The following SCML4 variants were observed in gnomAD, a reference collection of about 807,000 sequenced individuals.
SCML4 encodes the protein sex comb on midleg-like protein 4.
In SCML4, 34 loss-of-function variants were observed where a neutral mutation model predicts 41.1. The ratio of observed to expected loss-of-function variants is 0.83; its 90% confidence interval spans 0.63 to 1.10. SCML4 has a LOEUF of 1.10. Ranked by LOEUF, SCML4 falls within the 50% of genes least tolerant of loss-of-function variation. The probability of loss-of-function intolerance (pLI) is 0.00; values close to 1 mark genes in which losing one functional copy is unlikely to be tolerated. For missense variants in SCML4, 522 were observed against 534.1 expected (o/e 0.98, Z 0.22); for synonymous variants, 214 against 220.9 (o/e 0.97, Z 0.28).
At chr6:107,845,809 A>C in the SCML4 span, among the ~76,000 whole-genome samples, 1 of 152,226 alleles carries the variant, frequency 6.6e-6, no homozygotes, top group Non-Finnish European at 1.5e-5. Context: ...TACACGTGGT[A>C]TTACATTTTT....
intron 6 of SCML4, chr6:107,719,352 T>G (rs1471074762): frequency 6.6e-6 from 1 of 152,334 alleles, no homozygotes; most frequent in East Asian, 1.9e-4. Flanking sequence ...CTGGGTTGGA[T>G]GAGGCTCTTG....
intron 1 of SCML4, among the ~76,000 whole-genome samples, chr6:107,821,662 A>G (rs906154423): frequency 7.9e-5 from 12 of 152,128 alleles, no homozygotes; most frequent in Admixed American, 3.3e-4. Flanking sequence ...TCCCAGCCCA[A>G]TGAGGGGTAG....
intron 1 of SCML4, among the ~76,000 whole-genome samples, chr6:107,793,160 T>A (rs1444951823): frequency 6.6e-6 from 1 of 152,110 alleles, no homozygotes; most frequent in African/African-American, 2.4e-5. Context: ...ATGATCCCCA[T>A]CTCCTGTGTA....
At chr6:107,766,674 G>C (rs1780073375) in intron 2 of SCML4, among the ~76,000 whole-genome samples, 1 of 152,228 alleles carries the variant, frequency 6.6e-6, no homozygotes, top group African/African-American at 2.4e-5. Context: ...CACTGCCTCA[G>C]ATCCACCTCT....
intron 5 of SCML4, among the ~76,000 whole-genome samples, chr6:107,742,624 A>G (rs950319507): frequency 3.3e-5 from 5 of 152,240 alleles, no homozygotes; most frequent in African/African-American, 9.6e-5. Flanking sequence ...CATATAGGCC[A>G]GGAGGGAATG....
the SCML4 span, among the ~76,000 whole-genome samples, chr6:107,844,610 G>T: frequency 2.0e-5 from 3 of 151,898 alleles, no homozygotes; most frequent in Non-Finnish European, 4.4e-5. Context: ...GAGGCAGGAG[G>T]ATCACTTGAG....
At chr6:107,809,405 A>G (rs894029353) in intron 1 of SCML4, among the ~76,000 whole-genome samples, 1 of 152,260 alleles carries the variant, frequency 6.6e-6, no homozygotes, top group African/African-American at 2.4e-5. Flanking sequence ...AGCGGGTTAA[A>G]GGGAGGAGAA....
chr6:107,787,027 C>G (rs1239012098), intron 1 of SCML4, among the ~76,000 whole-genome samples: 1 of 152,180 alleles, frequency 6.6e-6, no homozygotes, highest in African/African-American at 2.4e-5. Flanking sequence ...TAGATTCCAC[C>G]CCAGAGCTCT....
intron 1 of SCML4, among the ~76,000 whole-genome samples, chr6:107,813,406 AT>A (rs1784337039): frequency 8.8e-5 from 3 of 34,204 alleles, no homozygotes; most frequent in African/African-American, 2.8e-4. Context: ...ATATATATAT[AT>A]ATATATATAT....
At chr6:107,823,277 G>A (rs1268030887) in intron 1 of SCML4, among the ~76,000 whole-genome samples, 1 of 152,146 alleles carries the variant, frequency 6.6e-6, no homozygotes. Context: ...CACAGATAGT[G>A]GAAAGAACTT....
chr6:107,709,741 A>G (rs1774053426), intron 6 of SCML4, among the ~76,000 whole-genome samples: 1 of 151,714 alleles, frequency 6.6e-6, no homozygotes. Flanking sequence ...ACAGAGTTTC[A>G]CTCTTGTTGC....
chr6:107,728,023 G>A (rs915351400), intron 5 of SCML4, among the ~76,000 whole-genome samples: 1 of 152,110 alleles, frequency 6.6e-6, no homozygotes, highest in African/African-American at 2.4e-5. Flanking sequence ...TAAGGCTGCC[G>A]TTACACAGAA....
intron 1 of SCML4, among the ~76,000 whole-genome samples, chr6:107,798,692 C>T (rs1363749825): frequency 6.6e-6 from 1 of 151,988 alleles, no homozygotes; most frequent in Non-Finnish European, 1.5e-5. Context: ...TAAATAATTG[C>T]TTGTAGACCT....
At chr6:107,769,843 G>C (rs1780372022) in intron 2 of SCML4, among the ~76,000 whole-genome samples, 1 of 152,124 alleles carries the variant, frequency 6.6e-6, no homozygotes, top group Non-Finnish European at 1.5e-5. Flanking sequence ...CTACTAACCA[G>C]CTATAATTGA....
intron 7 of SCML4, among the ~76,000 whole-genome samples, chr6:107,705,667 C>T (rs4946851): frequency 0.87 from 133,018 of 152,142 alleles, 58,291 homozygotes; most frequent in South Asian, 0.92. Context: ...GGGCAAAAAC[C>T]GTCATCCATT....
At chr6:107,767,449 T>C (rs1364912613) in intron 2 of SCML4, among the ~76,000 whole-genome samples, 1 of 152,246 alleles carries the variant, frequency 6.6e-6, no homozygotes, top group Admixed American at 6.5e-5. Context: ...TTAAGTTCTC[T>C]TGCTTGAGAT....
intron 1 of SCML4, among the ~76,000 whole-genome samples, chr6:107,785,361 A>G (rs118114217): frequency 0.036 from 5,490 of 152,276 alleles, 161 homozygotes; most frequent in South Asian, 0.056. Flanking sequence ...GTTGCGCCCC[A>G]CTGCTGAGGA....
chr6:107,794,121 G>T (rs905326046), intron 1 of SCML4, among the ~76,000 whole-genome samples: 4 of 152,126 alleles, frequency 2.6e-5, no homozygotes, highest in African/African-American at 9.7e-5. Flanking sequence ...TGGACCCAAG[G>T]GGCAGAGGTA....
chr6:107,736,308 GC>G (rs1228283553), intron 5 of SCML4, among the ~76,000 whole-genome samples: 3 of 152,212 alleles, frequency 2.0e-5, no homozygotes, highest in African/African-American at 7.2e-5. Context: ...TGTACCACAA[GC>G]CCCTTGTGGA....
Sources: gnomAD v4.1 joint callset for allele counts (sites outside exome capture counted in the v4.1 genomes callset) on GRCh38, gnomAD v4.1.1 for gene constraint, MANE v1.5 for transcripts, NCBI Gene and HGNC (gene_info 2026-07-23, HGNC 2026-07-21) for gene names.